Variants in RAB7A observed in about 807,000 individuals in gnomAD.
The protein encoded by RAB7A is ras-related protein Rab-7a.
Under a neutral mutation model 24.5 loss-of-function variants are expected in RAB7A, and 2 were observed. The ratio of observed to expected loss-of-function variants is 0.08; its 90% CI spans 0.03 to 0.26. RAB7A has a LOEUF of 0.26. Ranked by LOEUF, RAB7A falls within the 10% of genes least tolerant of loss-of-function variation. The pLI is 1.00. For missense variants in RAB7A, 118 were observed against 255.7 expected, an observed-to-expected ratio of 0.46 and a Z score of 3.67; for synonymous variants, 100 against 95.9, an observed-to-expected ratio of 1.04 and a Z score of -0.25.
At chr3:128,782,046 G>A (rs896713438) in intron 1 of RAB7A, among the ~76,000 whole-genome samples, 16 of 152,166 alleles carry the variant, frequency 1.1e-4, no homozygotes, top group African/African-American at 2.4e-4. Context: ...TCCTAAAACC[G>A]GAAGGTTGGC....
At chr3:128,749,724 T>C (rs925787666) in intron 1 of RAB7A, among the ~76,000 whole-genome samples, 1 of 152,236 alleles carries the variant, frequency 6.6e-6, no homozygotes, top group Non-Finnish European at 1.5e-5. Context: ...CTCCTCTCTT[T>C]GCCTGCCGCC....
intron 1 of RAB7A, among the ~76,000 whole-genome samples, chr3:128,780,650 G>A (rs1933198910): frequency 6.6e-6 from 1 of 152,182 alleles, no homozygotes; most frequent in Admixed American, 6.5e-5. Context: ...CATGGTCAGT[G>A]ACTACTGCTT....
intron 1 of RAB7A, among the ~76,000 whole-genome samples, chr3:128,731,630 G>A (rs1057041027): frequency 5.3e-5 from 8 of 152,278 alleles, no homozygotes; most frequent in Admixed American, 3.3e-4. Context: ...TGCTAACTCA[G>A]TTCAGTGCTC....
chr3:128,746,828 C>T (rs1309615231), intron 1 of RAB7A, among the ~76,000 whole-genome samples: 1 of 151,528 alleles, frequency 6.6e-6, no homozygotes, highest in African/African-American at 2.4e-5. Flanking sequence ...CCGGCCCGGC[C>T]GGGGTTCAAC....
At chr3:128,772,960 C>G (rs2107601567) in intron 1 of RAB7A, among the ~76,000 whole-genome samples, 2 of 152,318 alleles carry the variant, frequency 1.3e-5, no homozygotes, top group East Asian at 1.9e-4. Flanking sequence ...CTCCCAGCCG[C>G]CTGCCTTGGC....
intron 3 of RAB7A, among the ~76,000 whole-genome samples, chr3:128,800,449 G>A (rs866096914): frequency 1.8e-4 from 27 of 152,264 alleles, no homozygotes; most frequent in Middle Eastern, 3.4e-3. Flanking sequence ...TAACAGTCCC[G>A]TCTGTACTAC....
intron 1 of RAB7A, among the ~76,000 whole-genome samples, chr3:128,779,851 C>T (rs770389774): frequency 1.4e-4 from 21 of 152,178 alleles, no homozygotes; most frequent in Non-Finnish European, 2.9e-4. Context: ...GGTGTGCCAC[C>T]GTGCCCAGCT....
At chr3:128,733,931 T>A (rs971586843) in intron 1 of RAB7A, among the ~76,000 whole-genome samples, 2 of 152,204 alleles carry the variant, frequency 1.3e-5, no homozygotes, top group African/African-American at 4.8e-5. Flanking sequence ...GTCCAAATAT[T>A]CCACATCCTT....
intron 1 of RAB7A, among the ~76,000 whole-genome samples, chr3:128,790,414 T>C (rs1007951842): frequency 6.6e-6 from 1 of 152,200 alleles, no homozygotes; most frequent in Non-Finnish European, 1.5e-5. Flanking sequence ...AGTGTAAAGG[T>C]AATGTGCTCC....
At position 128,766,607 on chromosome 3, in the gene RAB7A, G is replaced by A. The variant is rs1440964655; in HGVS notation, c.-8-28753G>A. Among the ~76,000 whole-genome samples the A allele has an allele frequency of 2.0e-5, 3 of 152,168 alleles. No individual in the cohort carries two copies. The South Asian group carries it at 6.2e-4, about 32-fold the overall frequency. On this transcript the variant is annotated intron_variant, in intron 1 of 5. Transcript: ENST00000265062. ...GACACTGGCAGAGCAGATCCCATAGGAATGGTCATACATTTTGGTTGGTTG... is the reference window on the plus strand; with the variant it reads ...GACACTGGCAGAGCAGATCCCATAGAAATGGTCATACATTTTGGTTGGTTG...
chr3:128,740,832 T>C (rs542965454), intron 1 of RAB7A, among the ~76,000 whole-genome samples: 64 of 144,030 alleles, frequency 4.4e-4, no homozygotes, highest in African/African-American at 1.6e-3. Flanking sequence ...GCCCAGGAGG[T>C]TGAGGCTACA....
intron 3 of RAB7A, among the ~76,000 whole-genome samples, chr3:128,803,885 AT>A (rs1303609848): frequency 6.6e-6 from 1 of 152,242 alleles, no homozygotes; most frequent in East Asian, 1.9e-4. Context: ...TTTTTGTCAC[AT>A]CAGAATATTG....
At chr3:128,812,255 T>C (rs1454376107) in intron 5 of RAB7A, among the ~76,000 whole-genome samples, 3 of 152,130 alleles carry the variant, frequency 2.0e-5, no homozygotes, top group Non-Finnish European at 2.9e-5. Flanking sequence ...GCTGGGATTA[T>C]AGGTGCTTGT....
At position 128,813,388 on chromosome 3, in the gene RAB7A, G is replaced by A. The variant is rs779472408; in HGVS notation, c.590G>A (p.Arg197Gln). The A allele has an allele frequency of 3.1e-6, 5 of 1,614,068 alleles. No individual in the cohort carries two copies. Among genetic ancestry groups the A allele is most frequent in the Admixed American group, 3.3e-5 (2 of 60,004 alleles). Residue 197 changes from arginine (R) to glutamine (Q), a missense_variant, in exon 6 of 6, where the codon CGG becomes CAG. This residue lies in a region of RAB7A where 66 missense variants were observed against 82.2 expected (regional missense o/e 0.80). Transcript: ENST00000265062. Reference protein sequence around the residue: ...PEPIKLDKNDRAKASAESCSC With the variant: ...PEPIKLDKNDQAKASAESCSC Reference sequence around the variant, plus strand: ...CCTATCAAACTGGACAAGAATGACCGGGCCAAGGCCTCGGCAGAAAGCTGC... The same window carrying A: ...CCTATCAAACTGGACAAGAATGACCAGGCCAAGGCCTCGGCAGAAAGCTGC...
chr3:128,781,374 A>C (rs187338971), intron 1 of RAB7A, among the ~76,000 whole-genome samples: 23 of 152,338 alleles, frequency 1.5e-4, no homozygotes, highest in African/African-American at 5.1e-4. Flanking sequence ...GGGGCATTTA[A>C]GTTCACACAG....
At chr3:128,795,289 T>C (rs1576298638) in intron 1 of RAB7A, 71 bp from the exon 2 acceptor site, 2 of 1,304,846 alleles carry the variant, frequency 1.5e-6, no homozygotes, top group Non-Finnish European at 2.2e-6. Context: ...GCTCAGACAT[T>C]TGTGCAAGGG....
At chr3:128,769,590 A>G (rs1484163101) in intron 1 of RAB7A, among the ~76,000 whole-genome samples, 1 of 152,074 alleles carries the variant, frequency 6.6e-6, no homozygotes, top group Non-Finnish European at 1.5e-5. Context: ...TTTCCATTCT[A>G]TTAATAGTGT....
intron 1 of RAB7A, among the ~76,000 whole-genome samples, chr3:128,765,844 CT>C (rs1300469145): frequency 1.6e-4 from 25 of 151,722 alleles, no homozygotes; most frequent in African/African-American, 6.1e-4. Flanking sequence ...TCACTGCAAC[CT>C]CCGCCTCCCA....
chr3:128,797,919 C>T, intron 2 of RAB7A, 24 bp from the exon 3 acceptor site: 1 of 1,611,612 alleles, frequency 6.2e-7, no homozygotes, highest in Non-Finnish European at 8.5e-7. Context: ...TTGACTTATA[C>T]TTATGGTTTT....
Sources: gnomAD v4.1 joint callset for allele counts (sites outside exome capture counted in the v4.1 genomes callset) on GRCh38, gnomAD v4.1.1 for gene constraint, gnomAD v4.1.1 regional missense constraint, MANE v1.5 for transcripts, NCBI Gene and HGNC (gene_info 2026-07-23, HGNC 2026-07-21) for gene names.